The following ZMPSTE24 variants were observed in gnomAD, a reference collection of about 807,000 sequenced individuals.
ZMPSTE24 encodes the protein zinc metallopeptidase STE24, also known as CAAX prenyl protease 1 homolog.
A neutral mutation model predicts 56.7 loss-of-function variants in ZMPSTE24; 48 were observed. The observed-to-expected ratio is 0.85, with a 90% confidence interval of 0.67 to 1.08. The LOEUF is 1.08. Among genes scored for constraint, ZMPSTE24 ranks in the 50% least tolerant of loss-of-function variants. The pLI is 0.00. For synonymous variants in ZMPSTE24, 172 were observed against 195.2 expected (o/e 0.88, Z 0.99); for missense variants, 503 against 548.7 (o/e 0.92, Z 0.83).
rs541215644 is a variant in ZMPSTE24, at chr1:40,290,754, G to A, written c.1060-100G>A. The A allele has an allele frequency of 9.5e-5, 140 of 1,467,250 alleles. No homozygotes were observed. The East Asian group carries it at 1.8e-3, about 19-fold the overall frequency. The allele number at this position is 1,467,250 out of a possible 1,614,324, so 90.9% of individuals were successfully genotyped here. ...TGGGATTACAGGCGTGAGCCACCGC[G>A]CCCGGCCACACTGTGATTTCTTATA... On this transcript the variant is annotated intron_variant, in intron 8 of 9. Transcript: ENST00000372759.
Position 40,270,056 on chromosome 1 carries a change from CTTTACATTATTAAAAT to C in ZMPSTE24, c.558_573del (p.Tyr187GlyfsTer14). On this transcript the variant is annotated frameshift_variant, in exon 5 of 10. Transcript: ENST00000372759. LOFTEE classifies it high-confidence loss of function. ...TTTGTTGCCTGTGTCTTCACTTCTA[CTTTACATTATTAAAAT>C]TGGGGGTGACTATTTTTTTATTTAT... is the stretch of plus-strand genomic sequence containing the variant. The C allele has an allele frequency of 6.2e-7, 1 of 1,613,898 alleles. No individual in the cohort carries two copies. Among genetic ancestry groups the C allele is most frequent in the Non-Finnish European group, 8.5e-7 (1 of 1,179,924 alleles).
chr1:40,291,103 T>C (rs1357329531), intron 9 of ZMPSTE24, 106 bp downstream of exon 9: 2 of 1,438,054 alleles, frequency 1.4e-6, no homozygotes, highest in African/African-American at 1.4e-5. Context: ...TTTTAACAAA[T>C]AGATGAAACA....
At chr1:40,264,565 C>T (rs1643530916) in intron 2 of ZMPSTE24, among the ~76,000 whole-genome samples, 2 of 151,940 alleles carry the variant, frequency 1.3e-5, no homozygotes, top group Non-Finnish European at 2.9e-5. Context: ...ACCCTTTTCC[C>T]TGCCTGTTTT....
chr1:40,260,132 C>T (rs1643481413), intron 1 of ZMPSTE24, among the ~76,000 whole-genome samples: 1 of 135,116 alleles, frequency 7.4e-6, no homozygotes, highest in Non-Finnish European at 1.5e-5. Flanking sequence ...ACAATATGGG[C>T]TTACTGCAAC....
Position 40,292,608 on chromosome 1 carries a change from A to T in ZMPSTE24, c.1367A>T (p.His456Leu). Residue 456 changes from histidine to leucine, a missense_variant, in exon 10 of 10, where the codon CAT becomes CTT. Physicochemically the swap from His to Leu is moderately conservative, Grantham distance 99. Coordinates refer to ENST00000372759, the MANE Select transcript of ZMPSTE24 (RefSeq NM_005857.5). ...PVSDWLFSMW[H>L]YSHPPLLERL... is the part of the protein sequence containing the mutation. ...TCTGACTGGTTGTTCTCAATGTGGC[A>T]TTATTCTCATCCTCCACTGCTAGAG... is the stretch of plus-strand genomic sequence containing the variant. The T allele has an allele frequency of 6.2e-7, 1 of 1,614,136 alleles. No individual in the cohort carries two copies.
chr1:40,269,929 C>T, intron 4 of ZMPSTE24, 46 bp from the exon 5 acceptor site: 1 of 1,574,854 alleles, frequency 6.3e-7, no homozygotes, highest in Admixed American at 2.0e-5. Context: ...TTTTAAAAAG[C>T]AGAACCAGTT....
At chr1:40,280,897 A>G (rs1643722674) in intron 6 of ZMPSTE24, among the ~76,000 whole-genome samples, 1 of 152,380 alleles carries the variant, frequency 6.6e-6, no homozygotes, top group South Asian at 2.1e-4. Flanking sequence ...AATTTCAACA[A>G]TGCAAAAACC....
intron 6 of ZMPSTE24, among the ~76,000 whole-genome samples, chr1:40,277,964 C>CAAA (rs35695915): frequency 1.7e-3 from 84 of 48,160 alleles, no homozygotes; most frequent in African/African-American, 4.5e-3. Context: ...GACTCCATCT[C>CAAA]AAAAAAAAAA....
At chr1:40,267,223 T>C (rs1643558553) in intron 2 of ZMPSTE24, among the ~76,000 whole-genome samples, 1 of 152,174 alleles carries the variant, frequency 6.6e-6, no homozygotes, top group South Asian at 2.1e-4. Flanking sequence ...CAGACAAAAA[T>C]GTTATATTAA....
In ZMPSTE24 at chr1:40,285,832, T is replaced by A. The variant is rs1411130279; in HGVS notation, c.955-93T>A. 2.9e-6 allele frequency: 3 copies of A among 1,023,462 alleles called. No homozygotes were observed. The Admixed American group carries it at 7.0e-5, about 24-fold the overall frequency. 63.4% of individuals were successfully genotyped at this position (1,023,462 alleles called of 1,614,324 possible). A position where few individuals can be genotyped will look rare whatever the true frequency, so the allele number is the denominator to read the frequency against. On this transcript the variant is annotated intron_variant, in intron 7 of 9. Transcript: ENST00000372759. ...GTTTTGAACAAAACTGATTATTTCT[T>A]TAAGTTAAAATCTATGAAGGGCTAT...
At position 40,289,740 on chromosome 1, in the gene ZMPSTE24, A is replaced by AT. The variant is rs754745145; in HGVS notation, c.1060-1107dup. Among the ~76,000 whole-genome samples, 13 of 152,010 alleles carry AT rather than the reference A, an allele frequency of 8.6e-5. 1 individual carries two copies. Among genetic ancestry groups the AT allele is most frequent in the East Asian group, 3.9e-4 (2 of 5,176 alleles). ...GGTTGTATTTTGGTATAGATTTTTT[A>AT]TTTTTTTCTCCTCTCATTTATTGAT... On this transcript the variant is annotated intron_variant, in intron 8 of 9. Transcript: ENST00000372759.
chr1:40,287,536 G>A lies in ZMPSTE24; in HGVS notation c.1059+1507G>A, dbSNP rs200140196. Among the ~76,000 whole-genome samples the A allele has an allele frequency of 8.9e-4, 135 of 152,014 alleles. 3 individuals are homozygous for A. In the East Asian group the frequency reaches 0.025, roughly 28 times the overall value. The stretch of plus-strand genomic sequence containing the variant: ...TACTAAAAATACAAAAATTAGCCAG[G>A]CGTGGTGGCACGCCTGTAATCCCAG... On this transcript the variant is annotated intron_variant, in intron 8 of 9. Transcript: ENST00000372759.
Position 40,290,609 on chromosome 1 carries a change from C to T in ZMPSTE24, c.1060-245C>T, listed in dbSNP as rs149167851. ...CCGAGTAGCTGGGACTACAGGCATC[C>T]GCCACCACGTCCGGCTAATTTTTTC... On this transcript the variant is annotated intron_variant, in intron 8 of 9. Transcript: ENST00000372759. 0.021 allele frequency: 8,076 copies of T among 380,902 alleles called. 586 individuals are homozygous for T. Among genetic ancestry groups the T allele is most frequent in the African/African-American group, 0.16 (7,551 of 47,526 alleles). 23.6% of individuals were successfully genotyped at this position (380,902 alleles called of 1,614,324 possible).
intron 5 of ZMPSTE24, among the ~76,000 whole-genome samples, chr1:40,271,208 G>A (rs1414639472): frequency 6.6e-6 from 1 of 152,198 alleles, no homozygotes; most frequent in African/African-American, 2.4e-5. Flanking sequence ...GGGACTACAG[G>A]TGTGTGACAC....
intron 6 of ZMPSTE24, among the ~76,000 whole-genome samples, chr1:40,277,572 T>C (rs545918301): frequency 7.2e-5 from 11 of 152,278 alleles, no homozygotes; most frequent in African/African-American, 2.4e-4. Context: ...CGGTGGGAGA[T>C]AGTAAGACAT....
chr1:40,292,568 T>C lies in ZMPSTE24; in HGVS notation c.1327T>C (p.Leu443=), dbSNP rs1219210160. The C allele has an allele frequency of 3.1e-6, 5 of 1,614,156 alleles. No individual in the cohort carries two copies. The highest frequency in any genetic ancestry group is 4.2e-6 in the Non-Finnish European group (5 of 1,180,018). Residue 443 remains leucine (L), a synonymous_variant, in exon 10 of 10, where the codon TTG becomes CTG. Coordinates refer to ENST00000372759, the MANE Select transcript of ZMPSTE24 (RefSeq NM_005857.5). ...SALIKLNKDN[L]GFPVSDWLFS... is the part of the protein sequence containing the mutation. The stretch of plus-strand genomic sequence containing the variant: ...TTTAATCAAACTTAACAAAGATAAC[T>C]TGGGATTCCCTGTTTCTGACTGGTT...
At chr1:40,258,415 A>G (rs781751571) in intron 1 of ZMPSTE24, 21 bp downstream of exon 1, 5 of 1,613,776 alleles carry the variant, frequency 3.1e-6, no homozygotes, top group African/African-American at 2.7e-5. Flanking sequence ...ACAGGGTCCA[A>G]CCTGACCCCC....
At chr1:40,289,038 G>A (rs1643813128) in intron 8 of ZMPSTE24, among the ~76,000 whole-genome samples, 1 of 151,960 alleles carries the variant, frequency 6.6e-6, no homozygotes, top group South Asian at 2.1e-4. Context: ...CCAGCATATT[G>A]TATTAAGTTA....
chr1:40,267,583 T>C (rs1643564110), intron 2 of ZMPSTE24, among the ~76,000 whole-genome samples: 2 of 147,852 alleles, frequency 1.4e-5, no homozygotes, highest in Admixed American at 1.3e-4. Context: ...TTGCCCAGGC[T>C]GGTCTTGAAT....
Sources: gnomAD v4.1 joint callset for allele counts (sites outside exome capture counted in the v4.1 genomes callset) on GRCh38, gnomAD v4.1.1 for gene constraint, MANE v1.5 for transcripts, NCBI Gene and HGNC (gene_info 2026-07-23, HGNC 2026-07-21) for gene names.